OTUD4: variants seen among roughly 807,000 people sequenced by gnomAD.
The protein encoded by OTUD4 is OTU domain-containing protein 4.
A neutral mutation model predicts 130.4 loss-of-function variants in OTUD4; 24 were observed. That is an observed-to-expected ratio of 0.18 (90% CI 0.13 to 0.26). The LOEUF is 0.26. OTUD4 is among the 10% of genes least tolerant of loss of function. The pLI, the probability that OTUD4 is intolerant of heterozygous loss-of-function variation, is 1.00. For missense variants in OTUD4, 1,031 were observed against 1,329.4 expected (o/e 0.78, Z 3.49); for synonymous variants, 420 against 472.5 (o/e 0.89, Z 1.44).
In OTUD4 at chr4:145,144,298, T is replaced by C. The variant is rs1299072788; in HGVS notation, c.1546+13A>G. The C allele has an allele frequency of 6.7e-6, 10 of 1,500,454 alleles. No homozygotes were observed. The highest frequency in any genetic ancestry group is 9.2e-6 in the Non-Finnish European group (10 of 1,081,364). The allele number at this position is 1,500,454 out of a possible 1,614,324, so 92.9% of individuals were successfully genotyped here. ...ATCTCTAGCATCTGCTTTCTAATGA[T>C]GAGATAACTTACCTTTGTCTTTTCG... On this transcript the variant is annotated intron_variant, in intron 15 of 20. Transcript: ENST00000447906.
chr4:145,140,437 T>C (rs998049641), intron 19 of OTUD4, among the ~76,000 whole-genome samples: 3 of 152,160 alleles, frequency 2.0e-5, no homozygotes, highest in Non-Finnish European at 4.4e-5. Flanking sequence ...CAGTTACTCA[T>C]AGACACAAAC....
chr4:145,156,882 C>G (rs1751321840), intron 7 of OTUD4, among the ~76,000 whole-genome samples: 1 of 152,154 alleles, frequency 6.6e-6, no homozygotes, highest in African/African-American at 2.4e-5. Context: ...TCCACTTACA[C>G]ACAGGTTTTT....
Position 145,137,776 on chromosome 4 carries a change from G to A in OTUD4, c.2999C>T (p.Thr1000Ile). ...EKTEKVKDPK[T>I]AADVVSPGAN... ...CCCAGGGCTGACCACATCAGCAGCAGTCTTAGGATCTTTTACTTTTTCTGT... is the reference window on the plus strand; with the variant it reads ...CCCAGGGCTGACCACATCAGCAGCAATCTTAGGATCTTTTACTTTTTCTGT... The change falls in exon 21 of 21, where the codon ACT becomes ATT. Residue 1000 changes from threonine to isoleucine, a missense_variant. Thr to Ile is a moderately conservative substitution (Grantham distance 89, BLOSUM62 -1). Coordinates refer to ENST00000447906, the MANE Select transcript of OTUD4 (RefSeq NM_001366057.1). The A allele has an allele frequency of 1.2e-6, 2 of 1,614,054 alleles. No individual in the cohort carries two copies. The highest frequency in any genetic ancestry group is 1.7e-6 in the Non-Finnish European group (2 of 1,179,986).
In OTUD4 at chr4:145,143,956, C is replaced by T. The variant is rs749382281; in HGVS notation, c.1592G>A (p.Ser531Asn). 1.2e-6 allele frequency: 2 copies of T among 1,612,502 alleles called. No homozygotes were observed. Among genetic ancestry groups the T allele is most frequent in the Non-Finnish European group, 1.7e-6 (2 of 1,178,676 alleles). Residue 531 changes from serine (S) to asparagine (N), a missense_variant, in exon 16 of 21, where the codon AGC (serine) becomes AAC (asparagine). Ser to Asn is a conservative substitution (Grantham distance 46, BLOSUM62 1). Coordinates refer to ENST00000447906, the MANE Select transcript of OTUD4 (RefSeq NM_001366057.1). ...GTTTAAAACTTTTACCTCCAATGTGCTTGGTTCGGGTCTTTTATCCAACTG... is the reference window on the plus strand; with the variant it reads ...GTTTAAAACTTTTACCTCCAATGTGTTTGGTTCGGGTCTTTTATCCAACTG... ...HSQLDKRPEP[S>N]TLENITDDKY...
chr4:145,152,718 C>CT (rs376046110), intron 10 of OTUD4, 83 bp from the exon 11 acceptor site: 81,209 of 549,254 alleles, frequency 0.15, 1 homozygote, highest in South Asian at 0.2. Context: ...TTTTGCGGTT[C>CT]TTTTTTTTTT....
chr4:145,162,254 T>C (rs780333509), intron 6 of OTUD4, among the ~76,000 whole-genome samples: 3 of 152,204 alleles, frequency 2.0e-5, no homozygotes, highest in Non-Finnish European at 4.4e-5. Flanking sequence ...CTGATTTGTT[T>C]ACATTAAGAC....
At chr4:145,138,755 T>C in intron 20 of OTUD4, 105 bp from the exon 21 acceptor site, 1 of 897,312 alleles carries the variant, frequency 1.1e-6, no homozygotes, top group Non-Finnish European at 1.7e-6. Flanking sequence ...TTCTCATGCC[T>C]ACAAAGACCA....
chr4:145,161,274 A>C (rs183925336), intron 6 of OTUD4, among the ~76,000 whole-genome samples: 69 of 152,298 alleles, frequency 4.5e-4, no homozygotes, highest in African/African-American at 1.6e-3. Flanking sequence ...GAATCACAGG[A>C]AAGACAAGCT....
chr4:145,174,868 T>C, intron 1 of OTUD4, 124 bp from the exon 2 acceptor site: 1 of 621,308 alleles, frequency 1.6e-6, no homozygotes, highest in Non-Finnish European at 2.9e-6. Flanking sequence ...CATTTCCCTT[T>C]CTATAATTTC....
intron 10 of OTUD4, among the ~76,000 whole-genome samples, chr4:145,153,204 C>T (rs1273556267): frequency 6.6e-6 from 1 of 152,170 alleles, no homozygotes; most frequent in Non-Finnish European, 1.5e-5. Context: ...TTTTTTCTAA[C>T]ACTTATTTTC....
intron 19 of OTUD4, among the ~76,000 whole-genome samples, chr4:145,141,033 G>A (rs550536155): frequency 1.3e-5 from 2 of 151,984 alleles, no homozygotes; most frequent in Non-Finnish European, 2.9e-5. Context: ...AGGCCTGGTG[G>A]CATGTGCCTG....
rs116581198 is a variant in OTUD4 at position 145,161,418 on chromosome 4, A to T, written c.496+1222T>A. On this transcript the variant is annotated intron_variant, in intron 6 of 20. Transcript: ENST00000447906. ...AATTATTTAAAATAGTGTATTGCAC[A>T]TATCTTTACTGGTTACCACTAGCTT... Among the ~76,000 whole-genome samples, 378 of 152,360 alleles carry T rather than the reference A, an allele frequency of 2.5e-3. 1 individual carries two copies. The highest frequency in any genetic ancestry group is 8.4e-3 in the African/African-American group (350 of 41,576).
intron 2 of OTUD4, among the ~76,000 whole-genome samples, chr4:145,171,961 G>A (rs2126804963): frequency 6.6e-6 from 1 of 152,330 alleles, no homozygotes; most frequent in Middle Eastern, 3.4e-3. Context: ...CCTGAAAGAA[G>A]AGTGACTCAA....
intron 7 of OTUD4, among the ~76,000 whole-genome samples, chr4:145,157,273 A>AAATCTCATCTTGAATTGTAAT (rs1751338495): frequency 6.6e-6 from 1 of 152,206 alleles, no homozygotes; most frequent in Non-Finnish European, 1.5e-5. Context: ...TCCCCACCCA[A>AAATCTCATCTTGAATTGTAAT]AATCTCATCT....
At chr4:145,165,678 T>C (rs1422648811) in intron 3 of OTUD4, among the ~76,000 whole-genome samples, 3 of 151,982 alleles carry the variant, frequency 2.0e-5, no homozygotes, top group South Asian at 2.1e-4. Context: ...GGTTTCTCTA[T>C]GTTGGTCAGG....
intron 13 of OTUD4, among the ~76,000 whole-genome samples, chr4:145,148,094 C>T (rs1275690180): frequency 6.6e-6 from 1 of 152,236 alleles, no homozygotes; most frequent in East Asian, 1.9e-4. Context: ...TTAATTACCA[C>T]TGCCTTGTCA....
At chr4:145,179,772 TCCCCGCCTCCCCTCGAA>T in intron 1 of OTUD4, 26 bp downstream of exon 1, 34 of 788,176 alleles carry the variant, frequency 4.3e-5, no homozygotes, top group Non-Finnish European at 5.9e-5. Flanking sequence ...CGCCGGGCCG[TCCCCGCCTCCCCTCGAA>T]GCCCTCCCCG....
chr4:145,170,331 AC>A (rs1752095741), intron 3 of OTUD4, among the ~76,000 whole-genome samples: 1 of 152,170 alleles, frequency 6.6e-6, no homozygotes, highest in African/African-American at 2.4e-5. Flanking sequence ...CTCCTTTCTC[AC>A]CACTTCTTAT....
chr4:145,150,578 C>T lies in OTUD4; in HGVS notation c.1194G>A (p.Gly398=), dbSNP rs1422727346. The part of the protein sequence containing the change: ...RQHAFSSHSS[G]SQSQKFSSEH... Reference sequence around the variant, plus strand: ...CACTGGAGAATTTCTGAGACTGTGACCCTGAAGAATGACTAGAGAACGCAT... The same window carrying T: ...CACTGGAGAATTTCTGAGACTGTGATCCTGAAGAATGACTAGAGAACGCAT... Residue 398 remains glycine (G), a synonymous_variant, in exon 13 of 21, where the codon GGG becomes GGA. Transcript: ENST00000447906. The T allele has an allele frequency of 6.2e-7, 1 of 1,612,924 alleles. No individual in the cohort carries two copies. Among genetic ancestry groups the T allele is most frequent in the African/African-American group, 1.3e-5 (1 of 75,010 alleles).
Sources: allele counts gnomAD v4.1 joint callset (sites outside exome capture counted in the v4.1 genomes callset), GRCh38; gene constraint gnomAD v4.1.1; transcripts MANE v1.5; gene names NCBI Gene and HGNC (gene_info 2026-07-23, HGNC 2026-07-21).